DPP6: variants seen among roughly 807,000 people sequenced by gnomAD.
DPP6 encodes A-type potassium channel modulatory protein DPP6.
DPP6 carries 69 observed loss-of-function variants against 122.6 expected under a neutral mutation model. The observed-to-expected ratio is 0.56, with a 90% CI of 0.46 to 0.69. The LOEUF (loss-of-function observed/expected upper bound fraction) is 0.69, where lower values mean the gene tolerates loss of function less well. DPP6 is among the 30% of genes least tolerant of loss of function. The probability of loss-of-function intolerance (pLI) is 0.00; values close to 1 mark genes in which losing one functional copy is unlikely to be tolerated. For missense variants in DPP6, 928 were observed against 1,116.9 expected, an observed-to-expected ratio of 0.83 and a Z score of 2.41; for synonymous variants, 418 against 433.1, an observed-to-expected ratio of 0.97 and a Z score of 0.43.
chr7:154,010,505 C>T (rs563198189), intron 1 of DPP6, among the ~76,000 whole-genome samples: 1 of 152,334 alleles, frequency 6.6e-6, no homozygotes, highest in Admixed American at 6.5e-5. Context: ...AATGCTTTCT[C>T]ATGAATTAAT....
intron 1 of DPP6, among the ~76,000 whole-genome samples, chr7:154,375,712 C>T (rs1813071495): frequency 6.6e-6 from 1 of 152,192 alleles, no homozygotes; most frequent in Non-Finnish European, 1.5e-5. Context: ...GACTTCCAGC[C>T]TCAGAACTGT....
chr7:153,813,119 T>C, the DPP6 span, among the ~76,000 whole-genome samples: 1 of 151,838 alleles, frequency 6.6e-6, no homozygotes, highest in Non-Finnish European at 1.5e-5. Flanking sequence ...GCTGCACCCA[T>C]TAACTCGTCA....
rs369053465 is a variant in DPP6, at chr7:154,481,745, T to C, written c.457+6708T>C. 6.6e-5 allele frequency among the ~76,000 whole-genome samples: 10 copies of C among 152,162 alleles called. No homozygotes were observed. The East Asian group carries it at 1.9e-3, about 29-fold the overall frequency. ...CGCGTCCACTTGTGATCACTCCTAG[T>C]CACCACCCTGCATGTTATCTTTTTC... On this transcript the variant is annotated intron_variant, in intron 3 of 25. Coordinates refer to ENST00000377770, the MANE Select transcript of DPP6 (RefSeq NM_130797.4). The surrounding 1 kb of genome is among the most constrained non-coding windows in gnomAD (Gnocchi z 4.2).
chr7:154,673,601 C>G (rs1311042211), intron 7 of DPP6, among the ~76,000 whole-genome samples: 1 of 152,134 alleles, frequency 6.6e-6, no homozygotes, highest in African/African-American at 2.4e-5. Context: ...GAGTTTATGA[C>G]AAATGACAAG....
chr7:154,159,760 C>T (rs1222230729), intron 1 of DPP6, among the ~76,000 whole-genome samples: 2 of 152,282 alleles, frequency 1.3e-5, no homozygotes, highest in Non-Finnish European at 2.9e-5. Flanking sequence ...AGGTTATTCA[C>T]ACTGATCTTC....
At chr7:153,912,949 G>A (rs2129003851) in intron 1 of DPP6, among the ~76,000 whole-genome samples, 1 of 152,308 alleles carries the variant, frequency 6.6e-6, no homozygotes, top group Admixed American at 6.5e-5. Context: ...CTTCAGTCTA[G>A]CTTTTGAACA....
intron 12 of DPP6, among the ~76,000 whole-genome samples, chr7:154,800,764 C>T (rs1034075175): frequency 6.6e-6 from 1 of 152,192 alleles, no homozygotes; most frequent in African/African-American, 2.4e-5. Flanking sequence ...GTTTTAGAAC[C>T]CGTGGCATTT....
rs1006531648 is a variant in DPP6, at chr7:154,608,320, C to T, written c.628-29501C>T. 2.6e-3 allele frequency among the ~76,000 whole-genome samples: 233 copies of T among 89,778 alleles called. 1 individual carries two copies. The highest frequency in any genetic ancestry group is 0.023 in the Admixed American group (164 of 7,014). The allele number at this position is 89,778 out of a possible 152,430, so 58.9% of individuals were successfully genotyped here. ...CATGCTTGCATTTTTTAGGAGTGAT[C>T]ATATATATATATATATATATATTTT... On this transcript the variant is annotated intron_variant, in intron 5 of 25. Coordinates refer to ENST00000377770, the MANE Select transcript of DPP6 (RefSeq NM_130797.4).
intron 7 of DPP6, among the ~76,000 whole-genome samples, chr7:154,727,091 C>A (rs1245392539): frequency 6.6e-6 from 1 of 152,158 alleles, no homozygotes; most frequent in African/African-American, 2.4e-5. Context: ...AAGAATGGCC[C>A]CTTCTCAGTA....
the DPP6 span, among the ~76,000 whole-genome samples, chr7:153,828,127 C>T: frequency 1.3e-5 from 2 of 152,168 alleles, no homozygotes; most frequent in African/African-American, 4.8e-5. Flanking sequence ...AGACCAAGTG[C>T]AGAACCTGAA....
At chr7:154,574,133 A>G (rs1188749895) in intron 5 of DPP6, among the ~76,000 whole-genome samples, 2 of 152,212 alleles carry the variant, frequency 1.3e-5, no homozygotes, top group African/African-American at 4.8e-5. Flanking sequence ...ATGTAGCCCA[A>G]ACAATGGTTC....
At chr7:154,473,662 CAG>C (rs1044782649) in intron 2 of DPP6, among the ~76,000 whole-genome samples, 1 of 152,134 alleles carries the variant, frequency 6.6e-6, no homozygotes, top group African/African-American at 2.4e-5. Flanking sequence ...GTAATCCTAA[CAG>C]AATTTCTTTC....
chr7:154,840,489 A>G (rs911678570), intron 16 of DPP6, among the ~76,000 whole-genome samples: 2 of 152,184 alleles, frequency 1.3e-5, no homozygotes, highest in African/African-American at 4.8e-5. Context: ...CATGTACTCC[A>G]TGCTCACTCT....
In DPP6 at chr7:154,390,995, A is replaced by G. The variant is rs139557435; in HGVS notation, c.244-55219A>G. Among the ~76,000 whole-genome samples, 896 of 152,192 alleles carry G rather than the reference A, an allele frequency of 5.9e-3. 8 individuals are homozygous for G. Among genetic ancestry groups the G allele is most frequent in the African/African-American group, 0.02 (813 of 41,506 alleles). On this transcript the variant is annotated intron_variant, in intron 1 of 25. Coordinates refer to ENST00000377770, the MANE Select transcript of DPP6 (RefSeq NM_130797.4). ...GGTTGCTTTACTTCTCCGCACCTCA[A>G]TGTCCTTGTCTGTAAAATGGGGCGG... is the stretch of plus-strand genomic sequence containing the variant.
At chr7:154,865,808 G>A (rs1293028678) in intron 17 of DPP6, among the ~76,000 whole-genome samples, 1 of 152,076 alleles carries the variant, frequency 6.6e-6, no homozygotes, top group Non-Finnish European at 1.5e-5. Flanking sequence ...GGCCACATGG[G>A]AACAAGGAGA....
intron 1 of DPP6, among the ~76,000 whole-genome samples, chr7:154,324,022 A>G (rs1808203650): frequency 6.6e-6 from 1 of 152,222 alleles, no homozygotes; most frequent in African/African-American, 2.4e-5. Flanking sequence ...AAAAGGAGTG[A>G]TACCAAGAGG....
chr7:153,955,604 A>G (rs1326169337), intron 1 of DPP6, among the ~76,000 whole-genome samples: 1 of 151,836 alleles, frequency 6.6e-6, no homozygotes, highest in Non-Finnish European at 1.5e-5. Flanking sequence ...ACGCCTGGTT[A>G]ATTTTTGTAT....
the DPP6 span, among the ~76,000 whole-genome samples, chr7:153,833,545 C>A: frequency 6.6e-6 from 1 of 152,020 alleles, no homozygotes; most frequent in South Asian, 2.1e-4. Flanking sequence ...TGGTGGCGTG[C>A]CTGTAATTCC....
At chr7:154,434,747 C>T (rs185293112) in intron 1 of DPP6, among the ~76,000 whole-genome samples, 91 of 152,252 alleles carry the variant, frequency 6.0e-4, no homozygotes, top group African/African-American at 2.1e-3. Context: ...TTGATCAGGG[C>T]CTGCTCATAC....
Sources: allele counts gnomAD v4.1 joint callset (sites outside exome capture counted in the v4.1 genomes callset), GRCh38; gene constraint gnomAD v4.1.1; non-coding constraint Gnocchi (gnomAD v3.1); transcripts MANE v1.5; gene names NCBI Gene and HGNC (gene_info 2026-07-23, HGNC 2026-07-21).